ATG14: variants seen among roughly 807,000 people sequenced by gnomAD.
The protein encoded by ATG14 is beclin 1-associated autophagy-related key regulator.
Under a neutral mutation model 60.4 loss-of-function variants are expected in ATG14, and 35 were observed. The observed-to-expected ratio is 0.58, with a 90% confidence interval of 0.44 to 0.77. The LOEUF (loss-of-function observed/expected upper bound fraction) is 0.77. Among genes scored for constraint, ATG14 ranks in the 30% least tolerant of loss-of-function variants. ATG14 has a pLI of 0.00. For synonymous variants in ATG14, 234 were observed against 228.8 expected (o/e 1.02, Z -0.21); for missense variants, 647 against 626.3 (o/e 1.03, Z -0.35).
At chr14:55,381,389 C>T (rs1331201107) in intron 6 of ATG14, among the ~76,000 whole-genome samples, 3 of 152,188 alleles carry the variant, frequency 2.0e-5, no homozygotes, top group Non-Finnish European at 4.4e-5. Context: ...CAAAGTTATA[C>T]ACTATAAATA....
At chr14:55,384,535 C>G (rs1885090611) in intron 5 of ATG14, among the ~76,000 whole-genome samples, 1 of 152,192 alleles carries the variant, frequency 6.6e-6, no homozygotes, top group Non-Finnish European at 1.5e-5. Context: ...TTCTATTTTG[C>G]TCTATTTTGA....
At chr14:55,387,236 ATCCCCACAGTTCCCC>A (rs1036390228) in intron 4 of ATG14, among the ~76,000 whole-genome samples, 1 of 152,146 alleles carries the variant, frequency 6.6e-6, no homozygotes, top group African/African-American at 2.4e-5. Context: ...ATTGGTACAT[ATCCCCACAGTTCCCC>A]TCTGCACACC....
intron 1 of ATG14, among the ~76,000 whole-genome samples, chr14:55,400,408 C>T (rs894969117): frequency 6.6e-6 from 1 of 152,120 alleles, no homozygotes; most frequent in Non-Finnish European, 1.5e-5. Flanking sequence ...TCTCTTTTTC[C>T]ATGCCAGAAC....
intron 3 of ATG14, among the ~76,000 whole-genome samples, chr14:55,392,325 C>T (rs1885232117): frequency 1.3e-5 from 2 of 152,088 alleles, no homozygotes; most frequent in Admixed American, 1.3e-4. Flanking sequence ...TTGGGGACCC[C>T]TGCCTTAAAG....
At chr14:55,393,290 C>A (rs1432580870) in intron 3 of ATG14, among the ~76,000 whole-genome samples, 1 of 151,750 alleles carries the variant, frequency 6.6e-6, no homozygotes, top group Non-Finnish European at 1.5e-5. Context: ...GAGGCTGAGG[C>A]AGGAGAATGG....
In ATG14 at chr14:55,395,964, T is replaced by A; in HGVS notation, c.303A>T (p.Glu101Asp). Residue 101 changes from glutamate (E) to aspartate (D), a missense_variant, in exon 3 of 10, where the codon GAA becomes GAT. Transcript: ENST00000247178. Reference protein sequence around the residue: ...EFQKEVLKAMEGKWITDQLRW... With the variant: ...EFQKEVLKAMDGKWITDQLRW... Reference sequence around the variant, plus strand: ...CCAACTGATCTGTTATCCATTTTCCTTCCATAGCTTTTAACACTCTGTGAG... The same window carrying A: ...CCAACTGATCTGTTATCCATTTTCCATCCATAGCTTTTAACACTCTGTGAG... The A allele has an allele frequency of 6.3e-7, 1 of 1,594,996 alleles. No homozygotes were observed. Among genetic ancestry groups the A allele is most frequent in the Non-Finnish European group, 8.5e-7 (1 of 1,172,508 alleles).
intron 4 of ATG14, among the ~76,000 whole-genome samples, chr14:55,386,300 A>C (rs1885125323): frequency 6.6e-6 from 1 of 152,238 alleles, no homozygotes; most frequent in South Asian, 2.1e-4. Context: ...CATGATTAAA[A>C]TGACTCTGGA....
chr14:55,379,355 G>A (rs1011147108), intron 7 of ATG14, among the ~76,000 whole-genome samples: 1 of 151,884 alleles, frequency 6.6e-6, no homozygotes, highest in African/African-American at 2.4e-5. Flanking sequence ...GGGCAACATA[G>A]GGAGACCCTG....
At chr14:55,373,636 T>C (rs1884864219) in intron 9 of ATG14, among the ~76,000 whole-genome samples, 3 of 152,036 alleles carry the variant, frequency 2.0e-5, no homozygotes, top group African/African-American at 7.2e-5. Context: ...ATTTCAGTAC[T>C]TTTAGTAGAG....
chr14:55,372,408 A>T (rs779161380), intron 9 of ATG14, among the ~76,000 whole-genome samples: 1 of 152,028 alleles, frequency 6.6e-6, no homozygotes, highest in Non-Finnish European at 1.5e-5. Context: ...TAAACCAAAG[A>T]TGCTCTGATT....
chr14:55,378,574 C>T (rs1884966141), intron 7 of ATG14, among the ~76,000 whole-genome samples: 1 of 152,156 alleles, frequency 6.6e-6, no homozygotes, highest in African/African-American at 2.4e-5. Context: ...AGCCTCTTTC[C>T]TTAGGGGTCC....
chr14:55,395,194 C>T (rs17128440), intron 3 of ATG14: 193,067 of 423,442 alleles, frequency 0.46, 45,783 homozygotes, highest in African/African-American at 0.65. Flanking sequence ...GGCTCTTCCT[C>T]TGTGGCCCAT....
In ATG14 at chr14:55,369,856, T is replaced by G; in HGVS notation, c.1242A>C (p.Gly414=). ...GCTCATCTCCGCTCTCATCTGATTC[T>G]CCAGCAACTCCGGGATCCACAAATT... The part of the protein sequence containing the change: ...SMEFVDPGVA[G]ESDESGDERV... The change falls in exon 10 of 10, where the codon GGA becomes GGC. Residue 414 remains glycine, a synonymous_variant. Coordinates refer to ENST00000247178, the MANE Select transcript of ATG14 (RefSeq NM_014924.5). 1 of 1,614,172 alleles carries G rather than the reference T, an allele frequency of 6.2e-7. No homozygotes were observed. Among genetic ancestry groups the G allele is most frequent in the Non-Finnish European group, 8.5e-7 (1 of 1,180,018 alleles).
intron 1 of ATG14, among the ~76,000 whole-genome samples, chr14:55,401,665 A>C (rs970583554): frequency 7.2e-5 from 11 of 152,140 alleles, no homozygotes; most frequent in Non-Finnish European, 1.6e-4. Flanking sequence ...TTTCTGTTAA[A>C]AAAAGGTACT....
chr14:55,380,441 A>C (rs937676622), intron 7 of ATG14, 132 bp downstream of exon 7: 1 of 629,792 alleles, frequency 1.6e-6, no homozygotes, highest in Non-Finnish European at 2.8e-6. Context: ...ATTAATCTCA[A>C]TATTTCAATC....
intron 3 of ATG14, among the ~76,000 whole-genome samples, chr14:55,393,461 A>G (rs1285930732): frequency 6.6e-6 from 1 of 152,182 alleles, no homozygotes; most frequent in Non-Finnish European, 1.5e-5. Context: ...TACAGAAGAA[A>G]AACAGAAAAT....
At chr14:55,408,568 C>T (rs879099521) in intron 1 of ATG14, among the ~76,000 whole-genome samples, 4 of 152,060 alleles carry the variant, frequency 2.6e-5, no homozygotes, top group African/African-American at 7.2e-5. Context: ...CCCACAGGTT[C>T]GAGATCAGCC....
chr14:55,384,827 A>C (rs1355636655), intron 5 of ATG14, among the ~76,000 whole-genome samples: 1 of 152,234 alleles, frequency 6.6e-6, no homozygotes, highest in Non-Finnish European at 1.5e-5. Flanking sequence ...GAATAAACGG[A>C]AGCCTTCGGT....
chr14:55,396,943 T>G (rs1885323326), intron 2 of ATG14, among the ~76,000 whole-genome samples: 1 of 152,188 alleles, frequency 6.6e-6, no homozygotes, highest in African/African-American at 2.4e-5. Context: ...TCTGAATTTT[T>G]AACCATTAAC....
Sources: allele counts gnomAD v4.1 joint callset (sites outside exome capture counted in the v4.1 genomes callset), GRCh38; gene constraint gnomAD v4.1.1; transcripts MANE v1.5; gene names NCBI Gene and HGNC (gene_info 2026-07-23, HGNC 2026-07-21).